Variants in TEX10 observed in about 807,000 individuals in gnomAD.
TEX10 encodes testis expressed 10, also known as testis-expressed protein 10.
TEX10 carries 24 observed loss-of-function variants against 104.4 expected under a neutral mutation model. The ratio of observed to expected loss-of-function variants is 0.23; its 90% CI spans 0.17 to 0.32. The LOEUF is 0.32. Among genes scored for constraint, TEX10 ranks in the 10% least tolerant of loss-of-function variants. The pLI, the probability that TEX10 is intolerant of heterozygous loss-of-function variation, is 1.00. For missense variants in TEX10, 921 were observed against 1,083.9 expected (o/e 0.85, Z 2.11); for synonymous variants, 396 against 393.4 (o/e 1.01, Z -0.08).
At chr9:100,322,968 TTGAG>T (rs1294362462) in intron 9 of TEX10, among the ~76,000 whole-genome samples, 4 of 152,170 alleles carry the variant, frequency 2.6e-5, no homozygotes, top group Non-Finnish European at 5.9e-5. Flanking sequence ...AACACTCTTC[TTGAG>T]TGTCATTCCC....
intron 11 of TEX10, among the ~76,000 whole-genome samples, chr9:100,318,254 A>G (rs548300111): frequency 2.0e-5 from 3 of 152,378 alleles, no homozygotes; most frequent in Middle Eastern, 6.8e-3. Flanking sequence ...AAAATGTGAT[A>G]TTTACACACA....
At chr9:100,339,242 T>A (rs1436798570) in intron 5 of TEX10, among the ~76,000 whole-genome samples, 4 of 50,420 alleles carry the variant, frequency 7.9e-5, no homozygotes, top group East Asian at 6.6e-4. Context: ...TGAGACTCCA[T>A]CTCAAAAAAA....
rs537454830 is a variant in TEX10, at chr9:100,302,619, G to GTC, written c.2677-317_2677-316dup. ...TGCCTCTCCCTCTTGCCATTCTAGT[G>GTC]TCTCATGATCTTTACCCCAGTGCCA... On this transcript the variant is annotated intron_variant, in intron 14 of 14. Coordinates refer to ENST00000374902, the MANE Select transcript of TEX10 (RefSeq NM_017746.4). 6.1e-3 allele frequency among the ~76,000 whole-genome samples: 924 copies of GTC among 152,222 alleles called. 5 individuals are homozygous for GTC. The highest frequency in any genetic ancestry group is 0.023 in the South Asian group (109 of 4,816).
Position 100,349,301 on chromosome 9 carries a change from CTTT to C in TEX10, c.60_62del (p.Lys22del), listed in dbSNP as rs773214590. The stretch of plus-strand genomic sequence containing the variant: ...GAGTAGCATTTTGTAACTTGGGCTT[CTTT>C]TTACCAACTTTCAATTTTACTTTTT... On this transcript the variant is annotated inframe_deletion, in exon 2 of 15. Coordinates refer to ENST00000374902, the MANE Select transcript of TEX10 (RefSeq NM_017746.4). 1.9e-6 allele frequency: 3 copies of C among 1,604,662 alleles called. No individual in the cohort carries two copies. Among genetic ancestry groups the C allele is most frequent in the Non-Finnish European group, 2.5e-6 (3 of 1,177,430 alleles).
intron 5 of TEX10, among the ~76,000 whole-genome samples, chr9:100,338,147 G>GTCC (rs1835059481): frequency 1.3e-5 from 2 of 152,210 alleles, no homozygotes; most frequent in Admixed American, 6.5e-5. Flanking sequence ...CTAGAAAGCT[G>GTCC]TAAGAGGAAG....
chr9:100,336,120 T>C (rs1181488966), intron 5 of TEX10, among the ~76,000 whole-genome samples: 1 of 152,024 alleles, frequency 6.6e-6, no homozygotes, highest in African/African-American at 2.4e-5. Flanking sequence ...TGAGCTGAGA[T>C]AGTGCCACTG....
chr9:100,304,129 C>A (rs1834086448), intron 13 of TEX10: 10 of 459,456 alleles, frequency 2.2e-5, no homozygotes, highest in Admixed American at 2.0e-4. Context: ...ACATTCCATG[C>A]TCATGAATTG....
chr9:100,332,328 G>A (rs1037585059), intron 5 of TEX10, among the ~76,000 whole-genome samples: 7 of 152,194 alleles, frequency 4.6e-5, no homozygotes, highest in Admixed American at 1.3e-4. Context: ...TTTACCGTAA[G>A]TTTATCTCAG....
chr9:100,311,301 A>C (rs1474070720), intron 11 of TEX10, among the ~76,000 whole-genome samples: 1 of 152,016 alleles, frequency 6.6e-6, no homozygotes, highest in Non-Finnish European at 1.5e-5. Context: ...AGGTTGGGAC[A>C]GGAGGATCGC....
At chr9:100,315,836 C>T (rs1475656644) in intron 11 of TEX10, among the ~76,000 whole-genome samples, 3 of 152,162 alleles carry the variant, frequency 2.0e-5, no homozygotes, top group Non-Finnish European at 4.4e-5. Flanking sequence ...AGAATTCTCT[C>T]TTTCATTTTG....
intron 9 of TEX10, among the ~76,000 whole-genome samples, chr9:100,323,751 G>T (rs1368476319): frequency 1.3e-5 from 2 of 152,146 alleles, no homozygotes; most frequent in Non-Finnish European, 2.9e-5. Context: ...TGCTTTAATA[G>T]AGACAGCAAG....
At chr9:100,333,089 C>T (rs1312144805) in intron 5 of TEX10, among the ~76,000 whole-genome samples, 1 of 151,934 alleles carries the variant, frequency 6.6e-6, no homozygotes, top group Non-Finnish European at 1.5e-5. Context: ...CTCGGCCTCC[C>T]GGGTAGCTGG....
chr9:100,346,449 A>G, intron 3 of TEX10, 134 bp from the exon 4 acceptor site: 1 of 1,138,666 alleles, frequency 8.8e-7, no homozygotes, highest in Non-Finnish European at 1.2e-6. Context: ...CAAAACTAGT[A>G]AGAAAAATGA....
intron 10 of TEX10, among the ~76,000 whole-genome samples, chr9:100,320,612 G>C (rs1322952721): frequency 6.6e-6 from 1 of 152,152 alleles, no homozygotes; most frequent in African/African-American, 2.4e-5. Context: ...GATGTGATCA[G>C]ACCCAATCTA....
Position 100,346,051 on chromosome 9 carries a change from TA to T in TEX10, c.1137+20del. On this transcript the variant is annotated intron_variant, in intron 4 of 14. Coordinates refer to ENST00000374902, the MANE Select transcript of TEX10 (RefSeq NM_017746.4). ...TAAAAGGCTATTAATACTAAGAAAA[TA>T]AAGAACCATTAGTTCTCACCAATTT... 1 of 1,586,200 alleles carries T rather than the reference TA, an allele frequency of 6.3e-7. No individual in the cohort carries two copies. The highest frequency in any genetic ancestry group is 8.6e-7 in the Non-Finnish European group (1 of 1,166,826).
Position 100,326,364 on chromosome 9 carries a change from G to C in TEX10, c.1917C>G (p.Cys639Trp). The C allele has an allele frequency of 6.2e-7, 1 of 1,613,944 alleles. No individual in the cohort carries two copies. The highest frequency in any genetic ancestry group is 8.5e-7 in the Non-Finnish European group (1 of 1,179,972). Residue 639 changes from cysteine to tryptophan, a missense_variant, in exon 9 of 15, where the codon TGC becomes TGG. By Grantham distance (215) the Cys-to-Trp change is radical. This residue lies in a region of TEX10 where 753 missense variants were observed against 868.4 expected (regional missense o/e 0.87). Coordinates refer to ENST00000374902, the MANE Select transcript of TEX10 (RefSeq NM_017746.4). ...PADLLSRLSR[C>W]CIMGRLSSSL... is the part of the protein sequence containing the mutation. The stretch of plus-strand genomic sequence containing the variant: ...TTGAACTGAGTCTTCCCATAATACA[G>C]CAACGACTTAACCGAGAAAGCAAAT...
At chr9:100,314,653 T>C (rs1042766797) in intron 11 of TEX10, among the ~76,000 whole-genome samples, 3 of 152,210 alleles carry the variant, frequency 2.0e-5, no homozygotes, top group East Asian at 3.9e-4. Context: ...TCTTATCATT[T>C]TGAAGAACCA....
intron 5 of TEX10, among the ~76,000 whole-genome samples, chr9:100,334,383 C>T (rs973754048): frequency 2.0e-5 from 3 of 151,930 alleles, no homozygotes; most frequent in African/African-American, 7.3e-5. Context: ...AAATAACTGC[C>T]AAATCTATAA....
At chr9:100,320,233 AATT>A in intron 11 of TEX10, 29 bp downstream of exon 11, 3 of 1,557,512 alleles carry the variant, frequency 1.9e-6, no homozygotes. Flanking sequence ...GAATTTTAAT[AATT>A]ATTAGTTTCT....
Sources: gnomAD v4.1 joint callset for allele counts (sites outside exome capture counted in the v4.1 genomes callset) on GRCh38, gnomAD v4.1.1 for gene constraint, gnomAD v4.1.1 regional missense constraint, MANE v1.5 for transcripts, NCBI Gene and HGNC (gene_info 2026-07-23, HGNC 2026-07-21) for gene names.